Variants in ITGAM observed in about 807,000 individuals in gnomAD.
The protein encoded by ITGAM is integrin subunit alpha M.
ITGAM carries 79 observed loss-of-function variants against 137.5 expected under a neutral mutation model. The observed-to-expected ratio is 0.57, with a 90% CI of 0.48 to 0.69. The LOEUF is 0.69. Ranked by LOEUF, ITGAM falls within the 30% of genes least tolerant of loss-of-function variation. The probability of loss-of-function intolerance (pLI) is 0.00; values close to 1 mark genes in which losing one functional copy is unlikely to be tolerated. For synonymous variants in ITGAM, 583 were observed against 592.3 expected, an observed-to-expected ratio of 0.98 and a Z score of 0.23; for missense variants, 1,343 against 1,483.5, an observed-to-expected ratio of 0.91 and a Z score of 1.56.
In ITGAM at chr16:31,270,162, C is replaced by G. The variant is rs62051464; in HGVS notation, c.428-792C>G. On this transcript the variant is annotated intron_variant, in intron 5 of 29. Transcript: ENST00000544665. ...GCTTTCCTTTCCTTTCCTTTCCTTT[C>G]CTTTCCTTTCCTTTCCTTTCCTTTC... is the stretch of plus-strand genomic sequence containing the variant. Among the ~76,000 whole-genome samples, 345 of 36,374 alleles carry G rather than the reference C, an allele frequency of 9.5e-3. 1 individual carries two copies. Among genetic ancestry groups the G allele is most frequent in the African/African-American group, 0.027 (319 of 11,906 alleles). 23.9% of individuals were successfully genotyped at this position (36,374 alleles called of 152,430 possible).
intron 29 of ITGAM, 121 bp from the exon 30 acceptor site, chr16:31,331,515 T>TCC: frequency 1.3e-5 from 6 of 457,050 alleles, no homozygotes; most frequent in South Asian, 4.4e-5. Context: ...GTCACTCCCC[T>TCC]CCCGCCCCGC....
At chr16:31,328,912 C>G (rs548912503) in intron 23 of ITGAM, 3 of 459,970 alleles carry the variant, frequency 6.5e-6, no homozygotes, top group African/African-American at 4.3e-5. Context: ...GTGTGTGTGT[C>G]TGAGGATCTA....
Position 31,330,289 on chromosome 16 carries a change from C to T in ITGAM, c.3061-19C>T. On this transcript the variant is annotated intron_variant, in intron 26 of 29. Coordinates refer to ENST00000544665, the MANE Select transcript of ITGAM (RefSeq NM_000632.4). ...CCTTCGGCTTCCTTACCCGTCCCCTCCCCTCCTGCGTTCCCCAGAACTGCT... is the reference window on the plus strand; with the variant it reads ...CCTTCGGCTTCCTTACCCGTCCCCTTCCCTCCTGCGTTCCCCAGAACTGCT... 6.2e-7 allele frequency: 1 copy of T among 1,604,528 alleles called. No individual in the cohort carries two copies. Among genetic ancestry groups the T allele is most frequent in the Non-Finnish European group, 8.5e-7 (1 of 1,171,356 alleles).
At position 31,297,659 on chromosome 16, in the gene ITGAM, G is replaced by C; in HGVS notation, c.1497+5G>C. 4 of 1,612,168 alleles carry C rather than the reference G, an allele frequency of 2.5e-6. No homozygotes were observed. Among genetic ancestry groups the C allele is most frequent in the Non-Finnish European group, 3.4e-6 (4 of 1,179,366 alleles). On this transcript the variant is annotated splice_donor_5th_base_variant and intron_variant, in intron 13 of 29. Transcript: ENST00000544665. ...GTGTGCCCCTTGCCCAGGGGGGTGA[G>C]TGGCAATGGGACCTGGGCTGGGTGG...
chr16:31,275,836 A>G lies in ITGAM; in HGVS notation c.1009+137A>G, dbSNP rs1193738136. On this transcript the variant is annotated intron_variant, in intron 9 of 29. Coordinates refer to ENST00000544665, the MANE Select transcript of ITGAM (RefSeq NM_000632.4). The stretch of plus-strand genomic sequence containing the variant: ...ACTCTCTCCACTTCCTACAGCTCCC[A>G]GTCCCAGCCTCACTTGGTCAATTCC... 26 of 762,686 alleles carry G rather than the reference A, an allele frequency of 3.4e-5. No homozygotes were observed. The Middle Eastern group carries it at 3.1e-3, about 91-fold the overall frequency. 47.2% of individuals were successfully genotyped at this position (762,686 alleles called of 1,614,324 possible).
intron 24 of ITGAM, 80 bp downstream of exon 24, chr16:31,329,383 G>A (rs1380675908): frequency 9.5e-7 from 1 of 1,049,822 alleles, no homozygotes; most frequent in Non-Finnish European, 1.5e-6. Flanking sequence ...AACAGGGATG[G>A]GAAATGTGCG....
chr16:31,263,802 A>AATTAATTT (rs1555464003), intron 2 of ITGAM, among the ~76,000 whole-genome samples: 10 of 129,752 alleles, frequency 7.7e-5, no homozygotes, highest in Admixed American at 2.4e-4. Flanking sequence ...CACATACAAA[A>AATTAATTT]ATTTATTTAT....
rs753610054 is a variant in ITGAM, at chr16:31,273,449, C to T, written c.789C>T (p.Gly263=). 1.5e-5 allele frequency: 24 copies of T among 1,613,634 alleles called. No individual in the cohort carries two copies. Among genetic ancestry groups the T allele is most frequent in the South Asian group, 7.7e-5 (7 of 91,072 alleles). The change falls in exon 8 of 30, where the codon GGC becomes GGT. Residue 263 remains glycine (G), a synonymous_variant. Coordinates refer to ENST00000544665, the MANE Select transcript of ITGAM (RefSeq NM_000632.4). ...TCATCACGGATGGAGAAAAGTTTGGCGATCCCTTGGGATATGAGGATGTCA... is the reference window on the plus strand; with the variant it reads ...TCATCACGGATGGAGAAAAGTTTGGTGATCCCTTGGGATATGAGGATGTCA... The part of the protein sequence containing the change: ...LVVITDGEKF[G]DPLGYEDVIP...
chr16:31,265,575 C>A, intron 3 of ITGAM, 77 bp downstream of exon 3: 1 of 1,008,816 alleles, frequency 9.9e-7, no homozygotes, highest in Non-Finnish European at 1.5e-6. Flanking sequence ...CTCCTGTGTC[C>A]TGGGGATCTG....
intron 14 of ITGAM, 75 bp from the exon 15 acceptor site, chr16:31,321,166 A>C: frequency 6.5e-7 from 1 of 1,544,110 alleles, no homozygotes; most frequent in Non-Finnish European, 8.9e-7. Context: ...TGTCTGGGCC[A>C]TGCTGGATGA....
chr16:31,273,292 T>C, intron 7 of ITGAM, 73 bp from the exon 8 acceptor site: 4 of 1,349,122 alleles, frequency 3.0e-6, no homozygotes, highest in Non-Finnish European at 4.1e-6. Flanking sequence ...TGAGTGTCTA[T>C]TTCTTAAAAA....
intron 14 of ITGAM, among the ~76,000 whole-genome samples, chr16:31,316,475 C>T (rs2080393919): frequency 6.6e-6 from 1 of 151,622 alleles, no homozygotes; most frequent in Non-Finnish European, 1.5e-5. Flanking sequence ...TGGTCAATGT[C>T]TCTGTTTTTA....
chr16:31,301,918 C>G (rs1248382754), intron 14 of ITGAM, among the ~76,000 whole-genome samples: 1 of 152,092 alleles, frequency 6.6e-6, no homozygotes, highest in African/African-American at 2.4e-5. Flanking sequence ...GCAGAACTCA[C>G]TATGTTGTAA....
At chr16:31,293,915 A>C (rs184277610) in intron 12 of ITGAM, among the ~76,000 whole-genome samples, 1 of 152,164 alleles carries the variant, frequency 6.6e-6, no homozygotes, top group East Asian at 1.9e-4. Context: ...GATTTCTTTG[A>C]ACAGTGTTTT....
At chr16:31,328,903 T>C (rs1194052067) in intron 23 of ITGAM, 10 of 470,638 alleles carry the variant, frequency 2.1e-5, no homozygotes, top group African/African-American at 6.0e-5. Context: ...TTCGTGCATG[T>C]GTGTGTGTCT....
At position 31,330,355 on chromosome 16, in the gene ITGAM, C is replaced by T. The variant is rs755152174; in HGVS notation, c.3108C>T (p.Phe1036=). The change falls in exon 27 of 30, where the codon TTC becomes TTT. Residue 1036 remains phenylalanine (F), a synonymous_variant. Transcript: ENST00000544665. Reference sequence around the variant, plus strand: ...AGAGAATCCAGTGTGACATCCCGTTCTTTGGCATCCAGGAAGAATTCAATG... The same window carrying T: ...AGAGAATCCAGTGTGACATCCCGTTTTTTGGCATCCAGGAAGAATTCAATG... ...VCQRIQCDIP[F]FGIQEEFNAT... is the part of the protein sequence containing the mutation. 1 of 1,614,074 alleles carries T rather than the reference C, an allele frequency of 6.2e-7. No homozygotes were observed. The highest frequency in any genetic ancestry group is 8.5e-7 in the Non-Finnish European group (1 of 1,179,886).
At position 31,321,106 on chromosome 16, in the gene ITGAM, T is replaced by C; in HGVS notation, c.1708-135T>C. 7 of 908,594 alleles carry C rather than the reference T, an allele frequency of 7.7e-6. 1 individual carries two copies. Among genetic ancestry groups the C allele is most frequent in the East Asian group, 2.4e-5 (1 of 41,090 alleles). 56.3% of individuals were successfully genotyped at this position (908,594 alleles called of 1,614,324 possible). A position where few individuals can be genotyped will look rare whatever the true frequency, so the allele number is the denominator to read the frequency against. On this transcript the variant is annotated intron_variant, in intron 14 of 29. Coordinates refer to ENST00000544665, the MANE Select transcript of ITGAM (RefSeq NM_000632.4). ...TTGATAAGTTCTAAGCTGTCCTAGTTCCTTGGTTAGTTGCAAGAGATGAGA... is the reference window on the plus strand; with the variant it reads ...TTGATAAGTTCTAAGCTGTCCTAGTCCCTTGGTTAGTTGCAAGAGATGAGA...
At chr16:31,330,913 C>T (rs979247196) in intron 28 of ITGAM, among the ~76,000 whole-genome samples, 1 of 141,036 alleles carries the variant, frequency 7.1e-6, no homozygotes, top group East Asian at 2.0e-4. Flanking sequence ...ATACAGAGCG[C>T]GACAGAGACA....
At position 31,331,719 on chromosome 16, in the gene ITGAM, C is replaced by A; in HGVS notation, c.*12C>A. ...CCGAACCCCAGTAGCGGCTCCTTCC[C>A]GACAGAGCTGCCTCTCGGTGGCCAG... On this transcript the variant is annotated 3_prime_UTR_variant, in exon 30 of 30. Transcript: ENST00000544665. 6.3e-7 allele frequency: 1 copy of A among 1,585,138 alleles called. No individual in the cohort carries two copies. Among genetic ancestry groups the A allele is most frequent in the Non-Finnish European group, 8.6e-7 (1 of 1,165,372 alleles).
Sources: gnomAD v4.1 joint callset for allele counts (sites outside exome capture counted in the v4.1 genomes callset) on GRCh38, gnomAD v4.1.1 for gene constraint, MANE v1.5 for transcripts, NCBI Gene and HGNC (gene_info 2026-07-23, HGNC 2026-07-21) for gene names.